BLOC1S4: variants seen among roughly 807,000 people sequenced by gnomAD.
BLOC1S4 encodes the protein biogenesis of lysosomal organelles complex 1 subunit 4.
For missense variants in BLOC1S4, 332 were observed against 308.8 expected (o/e 1.07, Z -0.56); for synonymous variants, 179 against 143.7 (o/e 1.25, Z -1.76).
chr4:6,716,572 C>A lies in BLOC1S4; in HGVS notation c.363C>A (p.Ile121=). The change falls in exon 1 of 1, where the codon ATC becomes ATA. Residue 121 remains isoleucine, a synonymous_variant. Transcript: ENST00000320776. ...SHVVSEGVPR[I]HAKAAEMRRI... ...TCGTCAGCGAGGGCGTGCCGCGCAT[C>A]CACGCGAAGGCCGCCGAGATGCGGC... is the stretch of plus-strand genomic sequence containing the variant. The A allele has an allele frequency of 6.3e-7, 1 of 1,587,808 alleles. No individual in the cohort carries two copies. Among genetic ancestry groups the A allele is most frequent in the Non-Finnish European group, 8.5e-7 (1 of 1,171,618 alleles).
Position 6,717,018 on chromosome 4 carries a change from T to A in BLOC1S4, c.*155T>A. 1.4e-6 allele frequency: 1 copy of A among 712,520 alleles called. No individual in the cohort carries two copies. Among genetic ancestry groups the A allele is most frequent in the Non-Finnish European group, 2.3e-6 (1 of 430,632 alleles). 44.1% of individuals were successfully genotyped at this position (712,520 alleles called of 1,614,324 possible). A position where few individuals can be genotyped will look rare whatever the true frequency, so the allele number is the denominator to read the frequency against. Reference sequence around the variant, plus strand: ...TCTCCGTAGTATATTCATGATTCAGTGTAGAATGTATAGACTTTATGTCTT... The same window carrying A: ...TCTCCGTAGTATATTCATGATTCAGAGTAGAATGTATAGACTTTATGTCTT... On this transcript the variant is annotated 3_prime_UTR_variant, in exon 1 of 1. Coordinates refer to ENST00000320776, the MANE Select transcript of BLOC1S4 (RefSeq NM_018366.3).
Position 6,716,312 on chromosome 4 carries a change from CA to C in BLOC1S4, c.104del (p.Gln35ArgfsTer55), listed in dbSNP as rs1298542529. 4 of 1,233,668 alleles carry C rather than the reference CA, an allele frequency of 3.2e-6. No homozygotes were observed. The highest frequency in any genetic ancestry group is 4.0e-6 in the Non-Finnish European group (4 of 989,618). 76.4% of individuals were successfully genotyped at this position (1,233,668 alleles called of 1,614,324 possible). A position where few individuals can be genotyped will look rare whatever the true frequency, so the allele number is the denominator to read the frequency against. On this transcript the variant is annotated frameshift_variant, in exon 1 of 1. Transcript: ENST00000320776. LOFTEE classifies it low-confidence loss of function (END_TRUNC). ...GAGCGGGGACAGTGGCACTGTTTCC[CA>C]GAGCCACAGCAGCGCCTCGGGGCCG... ...AWSGDSGTVS[Q>X]SHSSASGPWE...
chr4:6,716,904 TTAC>T lies in BLOC1S4; in HGVS notation c.*42_*44del. 6.6e-7 allele frequency: 1 copy of T among 1,514,160 alleles called. No homozygotes were observed. The highest frequency in any genetic ancestry group is 8.9e-7 in the Non-Finnish European group (1 of 1,121,082). The allele number at this position is 1,514,160 out of a possible 1,614,324, so 93.8% of individuals were successfully genotyped here. ...GGCAAGAGGACCCCAGCTGGGGTGC[TTAC>T]CTCCAGTATGAAGTGAATTGCAAAT... On this transcript the variant is annotated 3_prime_UTR_variant, in exon 1 of 1. Coordinates refer to ENST00000320776, the MANE Select transcript of BLOC1S4 (RefSeq NM_018366.3).
rs2108802933 is a variant in BLOC1S4 at position 6,717,244 on chromosome 4, T to C, written c.*381T>C. The C allele has an allele frequency of 1.1e-5, 2 of 178,900 alleles. No homozygotes were observed. The highest frequency in any genetic ancestry group is 1.3e-4 in the Admixed American group (2 of 15,806). The allele number at this position is 178,900 out of a possible 1,614,324, so 11.1% of individuals were successfully genotyped here. The stretch of plus-strand genomic sequence containing the variant: ...GAATCAAACTGAATGAACTTTTCTC[T>C]GCACTGTGGCAAAACTGTTATTTTT... On this transcript the variant is annotated 3_prime_UTR_variant, in exon 1 of 1. Transcript: ENST00000320776.
Position 6,716,468 on chromosome 4 carries a change from G to A in BLOC1S4, c.259G>A (p.Ala87Thr), listed in dbSNP as rs948036998. 40 of 1,535,486 alleles carry A rather than the reference G, an allele frequency of 2.6e-5. No homozygotes were observed. Among genetic ancestry groups the A allele is most frequent in the Admixed American group, 1.6e-4 (8 of 50,932 alleles). Reference sequence around the variant, plus strand: ...GCGGCCCGAGGTCGAGGCCCTGGACGCGAGCCTAGAGGACCTGCTTACCAG... The same window carrying A: ...GCGGCCCGAGGTCGAGGCCCTGGACACGAGCCTAGAGGACCTGCTTACCAG... ...GARPEVEALD[A>T]SLEDLLTRVD... Residue 87 changes from alanine to threonine, a missense_variant, in exon 1 of 1, where the codon GCG becomes ACG. Transcript: ENST00000320776.
Position 6,716,518 on chromosome 4 carries a change from G to A in BLOC1S4, c.309G>A (p.Leu103=). The change falls in exon 1 of 1, where the codon CTG becomes CTA. Residue 103 remains leucine, a synonymous_variant. Coordinates refer to ENST00000320776, the MANE Select transcript of BLOC1S4 (RefSeq NM_018366.3). ...LTRVDEFVGM[L]DMLRGDSSHV... Reference sequence around the variant, plus strand: ...GAGTGGACGAGTTCGTGGGCATGCTGGACATGCTTCGCGGCGACTCGTCCC... The same window carrying A: ...GAGTGGACGAGTTCGTGGGCATGCTAGACATGCTTCGCGGCGACTCGTCCC... The A allele has an allele frequency of 6.5e-7, 1 of 1,543,936 alleles. No individual in the cohort carries two copies.
At position 6,716,275 on chromosome 4, in the gene BLOC1S4, G is replaced by C; in HGVS notation, c.66G>C (p.Gln22His). ...GGCTCGCGGAAGAGGCCGAGCCGCA[G>C]GGCGCCGCCTGGAGCGGGGACAGTG... is the stretch of plus-strand genomic sequence containing the variant. Reference protein sequence around the residue: ...PEGLAEEAEPQGAAWSGDSGT... With the variant: ...PEGLAEEAEPHGAAWSGDSGT... Residue 22 changes from glutamine to histidine, a missense_variant, in exon 1 of 1, where the codon CAG becomes CAC. Gln to His is a conservative substitution (Grantham distance 24, BLOSUM62 0). Coordinates refer to ENST00000320776, the MANE Select transcript of BLOC1S4 (RefSeq NM_018366.3). 8.1e-7 allele frequency: 1 copy of C among 1,233,388 alleles called. No homozygotes were observed. Among genetic ancestry groups the C allele is most frequent in the Non-Finnish European group, 1.0e-6 (1 of 988,216 alleles). 76.4% of individuals were successfully genotyped at this position (1,233,388 alleles called of 1,614,324 possible).
In BLOC1S4 at chr4:6,717,523, A is replaced by G. The variant is rs1484665190; in HGVS notation, c.*660A>G. 1 of 166,818 alleles carries G rather than the reference A, an allele frequency of 6.0e-6. No individual in the cohort carries two copies. Among genetic ancestry groups the G allele is most frequent in the Non-Finnish European group, 1.5e-5 (1 of 68,124 alleles). The allele number at this position is 166,818 out of a possible 1,614,324, so 10.3% of individuals were successfully genotyped here. On this transcript the variant is annotated 3_prime_UTR_variant, in exon 1 of 1. Transcript: ENST00000320776. ...TAATTCCAAAGTTGTATTTGAAAGT[A>G]TGACCTCACAGTCTTCATTTGTCCA...
Position 6,716,291 on chromosome 4 carries a change from G to A in BLOC1S4, c.82G>A (p.Gly28Arg). The A allele has an allele frequency of 8.1e-7, 1 of 1,233,142 alleles. No homozygotes were observed. The highest frequency in any genetic ancestry group is 1.0e-6 in the Non-Finnish European group (1 of 988,404). 76.4% of individuals were successfully genotyped at this position (1,233,142 alleles called of 1,614,324 possible). A position where few individuals can be genotyped will look rare whatever the true frequency, so the allele number is the denominator to read the frequency against. Residue 28 changes from glycine to arginine, a missense_variant, in exon 1 of 1, where the codon GGG (glycine) becomes AGG (arginine). By Grantham distance (125) the Gly-to-Arg change is moderately radical (BLOSUM62 -2). Coordinates refer to ENST00000320776, the MANE Select transcript of BLOC1S4 (RefSeq NM_018366.3). ...CGAGCCGCAGGGCGCCGCCTGGAGCGGGGACAGTGGCACTGTTTCCCAGAG... is the reference window on the plus strand; with the variant it reads ...CGAGCCGCAGGGCGCCGCCTGGAGCAGGGACAGTGGCACTGTTTCCCAGAG... Reference protein sequence around the residue: ...EAEPQGAAWSGDSGTVSQSHS... With the variant: ...EAEPQGAAWSRDSGTVSQSHS...
In BLOC1S4 at chr4:6,716,797, C is replaced by T. The variant is rs1714922088; in HGVS notation, c.588C>T (p.Tyr196=). 2 of 1,613,886 alleles carry T rather than the reference C, an allele frequency of 1.2e-6. No individual in the cohort carries two copies. Among genetic ancestry groups the T allele is most frequent in the Middle Eastern group, 1.6e-4 (1 of 6,082 alleles). The part of the protein sequence containing the change: ...SAPSRPQQAG[Y]EAPVLFRTED... ...CCTCGAGGCCACAGCAAGCCGGCTACGAAGCCCCCGTCCTGTTTCGGACCG... is the reference window on the plus strand; with the variant it reads ...CCTCGAGGCCACAGCAAGCCGGCTATGAAGCCCCCGTCCTGTTTCGGACCG... Residue 196 remains tyrosine (Y), a synonymous_variant, in exon 1 of 1, where the codon TAC becomes TAT. Transcript: ENST00000320776.
rs191265034 is a variant in BLOC1S4, at chr4:6,716,983, T to C, written c.*120T>C. 2 of 874,644 alleles carry C rather than the reference T, an allele frequency of 2.3e-6. No homozygotes were observed. Among genetic ancestry groups the C allele is most frequent in the Non-Finnish European group, 3.5e-6 (2 of 574,396 alleles). The allele number at this position is 874,644 out of a possible 1,614,324, so 54.2% of individuals were successfully genotyped here. On this transcript the variant is annotated 3_prime_UTR_variant, in exon 1 of 1. Transcript: ENST00000320776. ...GGAGTGTGGGATTTTAAAGTTTACT[T>C]TCTACAAACTCTCCGTAGTATATTC...
At position 6,716,632 on chromosome 4, in the gene BLOC1S4, C is replaced by A. The variant is rs1329247602; in HGVS notation, c.423C>A (p.Phe141Leu). The stretch of plus-strand genomic sequence containing the variant: ...GCAGGATCGACCGGCTGGAGGCCTT[C>A]GTGAGGATGGTGGGGGGCCGCGTGG... ...IYSRIDRLEA[F>L]VRMVGGRVAR... is the part of the protein sequence containing the mutation. The change falls in exon 1 of 1, where the codon TTC becomes TTA. Residue 141 changes from phenylalanine to leucine, a missense_variant. Transcript: ENST00000320776. 6.2e-7 allele frequency: 1 copy of A among 1,608,638 alleles called. No homozygotes were observed. The highest frequency in any genetic ancestry group is 8.5e-7 in the Non-Finnish European group (1 of 1,179,446).
Position 6,717,076 on chromosome 4 carries a change from T to C in BLOC1S4, c.*213T>C, listed in dbSNP as rs1714933094. ...TAAAAAAAGAGACAGGGTCTTGGTA[T>C]GTTGCCCAGACTGTTCGGAAACTCC... On this transcript the variant is annotated 3_prime_UTR_variant, in exon 1 of 1. Coordinates refer to ENST00000320776, the MANE Select transcript of BLOC1S4 (RefSeq NM_018366.3). 1 of 521,884 alleles carries C rather than the reference T, an allele frequency of 1.9e-6. No individual in the cohort carries two copies. Among genetic ancestry groups the C allele is most frequent in the East Asian group, 3.6e-5 (1 of 28,104 alleles). The allele number at this position is 521,884 out of a possible 1,614,324, so 32.3% of individuals were successfully genotyped here.
chr4:6,716,903 C>T lies in BLOC1S4; in HGVS notation c.*40C>T, dbSNP rs1349217819. 1.3e-6 allele frequency: 2 copies of T among 1,520,114 alleles called. No individual in the cohort carries two copies. The highest frequency in any genetic ancestry group is 1.4e-5 in the African/African-American group (1 of 72,312). The allele number at this position is 1,520,114 out of a possible 1,614,324, so 94.2% of individuals were successfully genotyped here. ...CGGCAAGAGGACCCCAGCTGGGGTG[C>T]TTACCTCCAGTATGAAGTGAATTGC... On this transcript the variant is annotated 3_prime_UTR_variant, in exon 1 of 1. Coordinates refer to ENST00000320776, the MANE Select transcript of BLOC1S4 (RefSeq NM_018366.3).
Position 6,716,215 on chromosome 4 carries a change from G to A in BLOC1S4, c.6G>A (p.Glu2=). 1 of 1,234,356 alleles carries A rather than the reference G, an allele frequency of 8.1e-7. No individual in the cohort carries two copies. Among genetic ancestry groups the A allele is most frequent in the Non-Finnish European group, 1.0e-6 (1 of 987,740 alleles). 76.5% of individuals were successfully genotyped at this position (1,234,356 alleles called of 1,614,324 possible). A position where few individuals can be genotyped will look rare whatever the true frequency, so the allele number is the denominator to read the frequency against. Residue 2 remains glutamate (E), a synonymous_variant, in exon 1 of 1, where the codon GAG becomes GAA. Coordinates refer to ENST00000320776, the MANE Select transcript of BLOC1S4 (RefSeq NM_018366.3). M[E]GSFSDGGALP... is the part of the protein sequence containing the mutation. ...CAGTCGGGTGGTCGCGGGCCATGGA[G>A]GGTAGCTTTTCGGATGGCGGAGCGC... is the stretch of plus-strand genomic sequence containing the variant.
rs1387355823 is a variant in BLOC1S4, at chr4:6,716,324, A to T, written c.115A>T (p.Ser39Cys). The T allele has an allele frequency of 9.7e-6, 12 of 1,233,782 alleles. No individual in the cohort carries two copies. The allele number at this position is 1,233,782 out of a possible 1,614,324, so 76.4% of individuals were successfully genotyped here. The change falls in exon 1 of 1, where the codon AGC (serine) becomes TGC (cysteine). Residue 39 changes from serine to cysteine, a missense_variant. Transcript: ENST00000320776. ...DSGTVSQSHS[S>C]ASGPWEDEGA... ...TGGCACTGTTTCCCAGAGCCACAGC[A>T]GCGCCTCGGGGCCGTGGGAGGACGA...
Position 6,716,350 on chromosome 4 carries a change from G to GGGCGCGGAGGAC in BLOC1S4, c.148_159dup (p.Glu50_Ala53dup). On this transcript the variant is annotated inframe_insertion, in exon 1 of 1. Coordinates refer to ENST00000320776, the MANE Select transcript of BLOC1S4 (RefSeq NM_018366.3). ...GCGCCTCGGGGCCGTGGGAGGACGA[G>GGGCGCGGAGGAC]GGCGCGGAGGACGGCGCGCCGGGCC... 8.1e-7 allele frequency: 1 copy of GGGCGCGGAGGAC among 1,236,696 alleles called. No individual in the cohort carries two copies. Among genetic ancestry groups the GGGCGCGGAGGAC allele is most frequent in the South Asian group, 4.1e-5 (1 of 24,564 alleles). 76.6% of individuals were successfully genotyped at this position (1,236,696 alleles called of 1,614,324 possible).
In BLOC1S4 at chr4:6,717,100, C is replaced by T. The variant is rs1210874015; in HGVS notation, c.*237C>T. 3 of 385,650 alleles carry T rather than the reference C, an allele frequency of 7.8e-6. No homozygotes were observed. The highest frequency in any genetic ancestry group is 1.5e-5 in the Non-Finnish European group (3 of 206,068). 23.9% of individuals were successfully genotyped at this position (385,650 alleles called of 1,614,324 possible). A position where few individuals can be genotyped will look rare whatever the true frequency, so the allele number is the denominator to read the frequency against. On this transcript the variant is annotated 3_prime_UTR_variant, in exon 1 of 1. Coordinates refer to ENST00000320776, the MANE Select transcript of BLOC1S4 (RefSeq NM_018366.3). Reference sequence around the variant, plus strand: ...ATGTTGCCCAGACTGTTCGGAAACTCCTGGGCTCAAGTGATCCTTCCACCT... The same window carrying T: ...ATGTTGCCCAGACTGTTCGGAAACTTCTGGGCTCAAGTGATCCTTCCACCT...
Position 6,717,256 on chromosome 4 carries a change from A to G in BLOC1S4, c.*393A>G. Reference sequence around the variant, plus strand: ...ATGAACTTTTCTCTGCACTGTGGCAAAACTGTTATTTTTATGGATTTTACT... The same window carrying G: ...ATGAACTTTTCTCTGCACTGTGGCAGAACTGTTATTTTTATGGATTTTACT... On this transcript the variant is annotated 3_prime_UTR_variant, in exon 1 of 1. Transcript: ENST00000320776. 5.7e-6 allele frequency: 1 copy of G among 174,968 alleles called. No homozygotes were observed. The highest frequency in any genetic ancestry group is 1.4e-5 in the Non-Finnish European group (1 of 73,516). 10.8% of individuals were successfully genotyped at this position (174,968 alleles called of 1,614,324 possible).
Sources: allele counts gnomAD v4.1 joint callset, GRCh38; gene constraint gnomAD v4.1.1; transcripts MANE v1.5; gene names NCBI Gene and HGNC (gene_info 2026-07-23, HGNC 2026-07-21).